The following PPARGC1A variants were observed in gnomAD, a reference collection of about 807,000 sequenced individuals.
The protein encoded by PPARGC1A is PPARG coactivator 1 alpha.
In PPARGC1A, 25 loss-of-function variants were observed where a neutral mutation model predicts 88.7. The observed-to-expected ratio is 0.28, with a 90% CI of 0.21 to 0.39. PPARGC1A has a LOEUF of 0.39. Ranked by LOEUF, PPARGC1A falls within the 10% of genes least tolerant of loss-of-function variation. PPARGC1A has a pLI of 1.00. For missense variants in PPARGC1A, 880 were observed against 968.7 expected (o/e 0.91, Z 1.22); for synonymous variants, 363 against 355.6 (o/e 1.02, Z -0.24).
At chr4:24,267,197 A>G in the PPARGC1A span, among the ~76,000 whole-genome samples, 4 of 152,338 alleles carry the variant, frequency 2.6e-5, no homozygotes, top group South Asian at 8.3e-4. Context: ...CAGAGTAGCG[A>G]CAGTGGAATG....
At chr4:24,065,805 C>T in the PPARGC1A span, among the ~76,000 whole-genome samples, 6 of 152,092 alleles carry the variant, frequency 3.9e-5, no homozygotes, top group South Asian at 2.1e-4. Flanking sequence ...GTAAGAGGAA[C>T]GGACAAAAGC....
the PPARGC1A span, among the ~76,000 whole-genome samples, chr4:23,994,583 C>T: frequency 6.6e-6 from 1 of 152,138 alleles, no homozygotes; most frequent in Non-Finnish European, 1.5e-5. Context: ...AGGTTTCCAT[C>T]TAGAGTCTGT....
the PPARGC1A span, among the ~76,000 whole-genome samples, chr4:24,206,840 T>TAAAAAA: frequency 2.3e-5 from 1 of 43,648 alleles, no homozygotes; most frequent in African/African-American, 7.4e-5. Flanking sequence ...GACTTCACCT[T>TAAAAAA]AAAAAAAAAA....
chr4:24,387,769 A>AG, the PPARGC1A span, among the ~76,000 whole-genome samples: 3,897 of 57,686 alleles, frequency 0.068, 130 homozygotes, highest in Non-Finnish European at 0.082. Flanking sequence ...AGAGAGAGAG[A>AG]AAGAAAGAAA....
chr4:24,312,195 C>G, the PPARGC1A span, among the ~76,000 whole-genome samples: 6 of 152,296 alleles, frequency 3.9e-5, 1 homozygote, highest in South Asian at 1.0e-3. Context: ...CTTATGACAA[C>G]TCTGGCTTTG....
At chr4:24,448,480 A>T in the PPARGC1A span, among the ~76,000 whole-genome samples, 1 of 152,156 alleles carries the variant, frequency 6.6e-6, no homozygotes, top group Non-Finnish European at 1.5e-5. Flanking sequence ...GAAAAACATA[A>T]ATCAGGCCAT....
At chr4:24,125,052 C>T in the PPARGC1A span, among the ~76,000 whole-genome samples, 5 of 152,026 alleles carry the variant, frequency 3.3e-5, no homozygotes, top group East Asian at 7.7e-4. Flanking sequence ...AGAAACTTAA[C>T]GCTTCATAGA....
upstream of PPARGC1A, among the ~76,000 whole-genome samples, chr4:23,901,755 C>T (rs1195892807): frequency 6.6e-6 from 1 of 152,132 alleles, no homozygotes; most frequent in Non-Finnish European, 1.5e-5. Flanking sequence ...ATTGTACCAC[C>T]AGTGGGCTAT....
the PPARGC1A span, among the ~76,000 whole-genome samples, chr4:23,959,457 G>T: frequency 2.8e-3 from 424 of 152,188 alleles, no homozygotes; most frequent in Non-Finnish European, 4.6e-3. Context: ...CAGTATGATT[G>T]CTAACTCTAC....
chr4:23,948,094 C>T, the PPARGC1A span, among the ~76,000 whole-genome samples: 17 of 152,224 alleles, frequency 1.1e-4, no homozygotes, highest in South Asian at 4.1e-4. Context: ...CACTCTTCTC[C>T]GACTGCAAAC....
chr4:23,819,263 T>G (rs1036173779), intron 7 of PPARGC1A, among the ~76,000 whole-genome samples: 4 of 152,166 alleles, frequency 2.6e-5, no homozygotes, highest in African/African-American at 4.8e-5. Context: ...GCAACTGAAG[T>G]GTTCACACTT....
the PPARGC1A span, among the ~76,000 whole-genome samples, chr4:24,230,325 C>T: frequency 6.6e-6 from 1 of 152,132 alleles, no homozygotes; most frequent in East Asian, 1.9e-4. Context: ...CCCACTTCAG[C>T]GATTCTTAAT....
the PPARGC1A span, among the ~76,000 whole-genome samples, chr4:24,206,187 G>A: frequency 6.6e-6 from 1 of 152,172 alleles, no homozygotes; most frequent in Admixed American, 6.5e-5. Flanking sequence ...AAGCCATTTT[G>A]CTTAGTGAAG....
the PPARGC1A span, among the ~76,000 whole-genome samples, chr4:24,120,683 G>T: frequency 6.6e-6 from 1 of 152,100 alleles, no homozygotes; most frequent in African/African-American, 2.4e-5. Flanking sequence ...AGGTGATAAG[G>T]TCATGGGGGT....
At chr4:24,128,881 CT>C in the PPARGC1A span, among the ~76,000 whole-genome samples, 2 of 152,102 alleles carry the variant, frequency 1.3e-5, no homozygotes, top group Non-Finnish European at 1.5e-5. Flanking sequence ...GTAGGACCCC[CT>C]CTAACAATCA....
chr4:23,842,931 T>C (rs1727326565), intron 2 of PPARGC1A, among the ~76,000 whole-genome samples: 1 of 152,126 alleles, frequency 6.6e-6, no homozygotes, highest in South Asian at 2.1e-4. Flanking sequence ...TTAATAGTTA[T>C]TATTAACACA....
At chr4:24,186,522 G>C in the PPARGC1A span, among the ~76,000 whole-genome samples, 7 of 152,114 alleles carry the variant, frequency 4.6e-5, no homozygotes, top group Non-Finnish European at 1.0e-4. Flanking sequence ...TCACTGCCTA[G>C]AGCCTACCTA....
the PPARGC1A span, among the ~76,000 whole-genome samples, chr4:23,928,771 A>AAAC: frequency 4.3e-4 from 1 of 2,344 alleles, no homozygotes; most frequent in Non-Finnish European, 1.3e-3. Context: ...CAAAAAAAAC[A>AAAC]AAAAAAAACA....
chr4:24,122,564 T>G, the PPARGC1A span, among the ~76,000 whole-genome samples: 1 of 152,018 alleles, frequency 6.6e-6, no homozygotes, highest in Non-Finnish European at 1.5e-5. Flanking sequence ...AATGAGCACT[T>G]GCTAAGTACC....
Sources: gnomAD v4.1 joint callset for allele counts (sites outside exome capture counted in the v4.1 genomes callset) on GRCh38, gnomAD v4.1.1 for gene constraint, MANE v1.5 for transcripts, NCBI Gene and HGNC (gene_info 2026-07-23, HGNC 2026-07-21) for gene names.